BTBD16: variants seen among roughly 807,000 people sequenced by gnomAD.
BTBD16 encodes the protein BTB/POZ domain-containing protein 16.
BTBD16 carries 66 observed loss-of-function variants against 67.4 expected under a neutral mutation model. The ratio of observed to expected loss-of-function variants is 0.98; its 90% confidence interval spans 0.80 to 1.20. The LOEUF (loss-of-function observed/expected upper bound fraction) is 1.20, where lower values mean the gene tolerates loss of function less well. Among genes scored for constraint, BTBD16 ranks in the 50% most tolerant of loss-of-function variants. The pLI, the probability that BTBD16 is intolerant of heterozygous loss-of-function variation, is 0.00. For missense variants in BTBD16, 634 were observed against 616.0 expected (o/e 1.03, Z -0.31); for synonymous variants, 242 against 236.4 (o/e 1.02, Z -0.22).
intron 10 of BTBD16, among the ~76,000 whole-genome samples, chr10:122,319,359 C>T (rs1250332139): frequency 6.6e-6 from 1 of 152,244 alleles, no homozygotes; most frequent in Admixed American, 6.5e-5. Flanking sequence ...ATTGTTTTAG[C>T]TCTCACATTT....
At chr10:122,297,162 C>G (rs1012478543) in intron 7 of BTBD16, among the ~76,000 whole-genome samples, 2 of 152,234 alleles carry the variant, frequency 1.3e-5, no homozygotes, top group African/African-American at 4.8e-5. Context: ...GGTTATCTGT[C>G]TGAAAGTTGA....
chr10:122,305,095 T>C (rs1590072412), intron 9 of BTBD16, among the ~76,000 whole-genome samples: 1 of 152,230 alleles, frequency 6.6e-6, no homozygotes, highest in Non-Finnish European at 1.5e-5. Context: ...TTGGGTTGTA[T>C]GGCAAAGGAA....
At chr10:122,301,879 A>G (rs1421582846) in intron 9 of BTBD16, among the ~76,000 whole-genome samples, 1 of 152,184 alleles carries the variant, frequency 6.6e-6, no homozygotes. Context: ...CTGGCTCCAA[A>G]GTCCACGTCT....
chr10:122,308,316 C>G (rs1024659180), intron 10 of BTBD16, among the ~76,000 whole-genome samples: 6 of 152,184 alleles, frequency 3.9e-5, no homozygotes, highest in Non-Finnish European at 7.3e-5. Flanking sequence ...CCAGAGACGC[C>G]ACAGCTCTTC....
At chr10:122,332,899 GT>G (rs2096457489) in intron 13 of BTBD16, 1 of 985,194 alleles carries the variant, frequency 1.0e-6, no homozygotes, top group African/African-American at 1.7e-5. Context: ...TCCATGCCAA[GT>G]CCATGTTTAA....
chr10:122,332,599 C>T, intron 13 of BTBD16, 86 bp downstream of exon 13: 1 of 1,379,810 alleles, frequency 7.2e-7, no homozygotes, highest in South Asian at 1.3e-5. Flanking sequence ...ATGATCACTT[C>T]TGGCTCCTGG....
intron 1 of BTBD16, among the ~76,000 whole-genome samples, chr10:122,274,021 T>C (rs1265667892): frequency 6.6e-6 from 1 of 152,178 alleles, no homozygotes; most frequent in Non-Finnish European, 1.5e-5. Context: ...TGTTGGTGAA[T>C]GGATGAACAT....
chr10:122,297,242 C>A lies in BTBD16; in HGVS notation c.591-526C>A, dbSNP rs114482365. ...ACCAAGGACCTCTCCAGGTGCCTAG[C>A]ACACGGTATGTGTTCAATGAATAGA... On this transcript the variant is annotated intron_variant, in intron 7 of 15. Coordinates refer to ENST00000260723, the MANE Select transcript of BTBD16 (RefSeq NM_144587.5). Among the ~76,000 whole-genome samples, 1,091 of 152,292 alleles carry A rather than the reference C, an allele frequency of 7.2e-3. 12 individuals are homozygous for A. The highest frequency in any genetic ancestry group is 0.025 in the African/African-American group (1,025 of 41,566).
chr10:122,312,189 C>G (rs1344524263), intron 10 of BTBD16, among the ~76,000 whole-genome samples: 5 of 152,132 alleles, frequency 3.3e-5, no homozygotes, highest in African/African-American at 1.2e-4. Flanking sequence ...TACTGCCAAA[C>G]AGTTTTGCAA....
intron 9 of BTBD16, among the ~76,000 whole-genome samples, chr10:122,301,390 G>A (rs985059358): frequency 1.3e-5 from 2 of 152,172 alleles, no homozygotes; most frequent in African/African-American, 4.8e-5. Flanking sequence ...TGGCAGACAT[G>A]ACTGATGTGG....
Position 122,334,959 on chromosome 10 carries a change from T to C in BTBD16, c.1243T>C (p.Ser415Pro). 1 of 1,536,980 alleles carries C rather than the reference T, an allele frequency of 6.5e-7. No individual in the cohort carries two copies. Among genetic ancestry groups the C allele is most frequent in the Non-Finnish European group, 9.0e-7 (1 of 1,114,854 alleles). ...AAAGGGACTCAAACATGATACTACC[T>C]CTTATAGTTTTTACATGCAGGTAAG... ...KIKGLKHDTT[S>P]YSFYMQRIKH... Residue 415 changes from serine (S) to proline (P), a missense_variant, in exon 14 of 16, where the codon TCT (serine) becomes CCT (proline). Physicochemically the swap from Ser to Pro is moderately conservative, Grantham distance 74. Transcript: ENST00000260723.
chr10:122,317,067 G>T (rs1022775129), intron 10 of BTBD16, among the ~76,000 whole-genome samples: 1 of 152,154 alleles, frequency 6.6e-6, no homozygotes, highest in South Asian at 2.1e-4. Flanking sequence ...GGGATTACAG[G>T]CGTGAGTCAC....
Position 122,299,017 on chromosome 10 carries a change from A to G in BTBD16, c.674A>G (p.Gln225Arg). 6.2e-7 allele frequency: 1 copy of G among 1,613,790 alleles called. No individual in the cohort carries two copies. The highest frequency in any genetic ancestry group is 8.5e-7 in the Non-Finnish European group (1 of 1,179,862). ...TTTTTGTCTTAGTACAAGGAAGAGC[A>G]GCTCACCACCGGCTGCGAGAAGTGG... is the stretch of plus-strand genomic sequence containing the variant. ...YEAGCKYKEE[Q>R]LTTGCEKWLE... The change falls in exon 9 of 16, where the codon CAG becomes CGG. Residue 225 changes from glutamine to arginine, a missense_variant. By Grantham distance (43) the Gln-to-Arg change is conservative. Transcript: ENST00000260723.
intron 3 of BTBD16, among the ~76,000 whole-genome samples, chr10:122,280,957 A>T (rs927320206): frequency 3.9e-5 from 6 of 152,010 alleles, no homozygotes; most frequent in Admixed American, 1.3e-4. Flanking sequence ...AGACATGGCC[A>T]CCACATGCTG....
chr10:122,280,598 ATTATT>A (rs1392798174), intron 3 of BTBD16, among the ~76,000 whole-genome samples: 3 of 149,204 alleles, frequency 2.0e-5, no homozygotes, highest in Non-Finnish European at 3.0e-5. Context: ...ATTATATTAT[ATTATT>A]TTATTTTATT....
At chr10:122,273,894 T>C (rs1482812751) in intron 1 of BTBD16, among the ~76,000 whole-genome samples, 1 of 152,246 alleles carries the variant, frequency 6.6e-6, no homozygotes, top group Non-Finnish European at 1.5e-5. Context: ...AAGAAAAACC[T>C]GTCTGCCCAA....
chr10:122,273,372 GAATAA>G (rs2096333559), intron 1 of BTBD16, among the ~76,000 whole-genome samples: 2 of 151,894 alleles, frequency 1.3e-5, no homozygotes, highest in African/African-American at 4.8e-5. Context: ...TTTATTATGG[GAATAA>G]AATATAGGAA....
chr10:122,283,968 T>A, intron 4 of BTBD16, 44 bp downstream of exon 4: 1 of 1,442,290 alleles, frequency 6.9e-7, no homozygotes, highest in Non-Finnish European at 9.8e-7. Flanking sequence ...TGTTGCTGAT[T>A]TCAGGGGCAT....
chr10:122,309,171 G>A (rs2096408985), intron 10 of BTBD16, among the ~76,000 whole-genome samples: 2 of 152,054 alleles, frequency 1.3e-5, no homozygotes, highest in African/African-American at 4.8e-5. Flanking sequence ...CTGTCATCCA[G>A]GTTGGAGTAC....
Sources: allele counts gnomAD v4.1 joint callset (sites outside exome capture counted in the v4.1 genomes callset), GRCh38; gene constraint gnomAD v4.1.1; transcripts MANE v1.5; gene names NCBI Gene and HGNC (gene_info 2026-07-23, HGNC 2026-07-21).